Variants in SH3PXD2A observed in about 807,000 individuals in gnomAD.
The protein encoded by SH3PXD2A is SH3 and PX domains 2A, also known as SH3 and PX domain-containing protein 2A.
Under a neutral mutation model 115.2 loss-of-function variants are expected in SH3PXD2A, and 32 were observed. The ratio of observed to expected loss-of-function variants is 0.28; its 90% CI spans 0.21 to 0.37. The LOEUF is 0.37. SH3PXD2A is among the 10% of genes least tolerant of loss of function. SH3PXD2A has a pLI of 1.00. For synonymous variants in SH3PXD2A, 610 were observed against 629.1 expected (o/e 0.97, Z 0.45); for missense variants, 1,328 against 1,498.7 (o/e 0.89, Z 1.88).
At chr10:103,744,745 C>T (rs1589437937) in intron 3 of SH3PXD2A, among the ~76,000 whole-genome samples, 1 of 152,162 alleles carries the variant, frequency 6.6e-6, no homozygotes, top group Admixed American at 6.5e-5. Context: ...ATGCAGGTTC[C>T]GGAAAGACAC....
chr10:103,653,642 G>C (rs2037164129), intron 8 of SH3PXD2A, among the ~76,000 whole-genome samples: 1 of 152,196 alleles, frequency 6.6e-6, no homozygotes, highest in South Asian at 2.1e-4. Flanking sequence ...GCATGGTGGA[G>C]GGAGCACCCC....
At chr10:103,661,529 A>G (rs928945039) in intron 7 of SH3PXD2A, 23 of 449,462 alleles carry the variant, frequency 5.1e-5, no homozygotes, top group Non-Finnish European at 6.8e-5. Context: ...CGGCAGGGGC[A>G]TCGGGGAGGG....
At chr10:103,614,684 T>C (rs777196837) in intron 11 of SH3PXD2A, among the ~76,000 whole-genome samples, 1 of 152,114 alleles carries the variant, frequency 6.6e-6, no homozygotes, top group Non-Finnish European at 1.5e-5. Flanking sequence ...TGGGTTGCAA[T>C]GTCCCCATCT....
intron 1 of SH3PXD2A, 53 bp downstream of exon 1, chr10:103,855,142 C>T: frequency 7.3e-7 from 1 of 1,363,802 alleles, no homozygotes; most frequent in South Asian, 1.4e-5. Context: ...CCATCCGGGG[C>T]CCTCCCGGGA....
intron 1 of SH3PXD2A, among the ~76,000 whole-genome samples, chr10:103,813,919 C>T (rs777521389): frequency 1.3e-4 from 20 of 151,054 alleles, no homozygotes; most frequent in Non-Finnish European, 2.2e-4. Flanking sequence ...ATTTTAAGAG[C>T]TCCCCAGGTG....
At chr10:103,692,080 C>T (rs2037759383) in intron 6 of SH3PXD2A, among the ~76,000 whole-genome samples, 1 of 152,180 alleles carries the variant, frequency 6.6e-6, no homozygotes, top group Non-Finnish European at 1.5e-5. Flanking sequence ...CCAGATGTAC[C>T]CCAAGGTACA....
At chr10:103,709,442 C>T (rs1225010185) in intron 5 of SH3PXD2A, among the ~76,000 whole-genome samples, 1 of 152,202 alleles carries the variant, frequency 6.6e-6, no homozygotes, top group Non-Finnish European at 1.5e-5. Context: ...CCCACCTTGC[C>T]TCTCACTGGG....
intron 8 of SH3PXD2A, among the ~76,000 whole-genome samples, chr10:103,639,334 G>A (rs867543719): frequency 2.0e-5 from 3 of 152,132 alleles, no homozygotes; most frequent in African/African-American, 4.8e-5. Context: ...ATTCAAGGCC[G>A]GGCATGGTGG....
intron 5 of SH3PXD2A, among the ~76,000 whole-genome samples, chr10:103,703,111 G>A (rs1301459139): frequency 6.6e-6 from 1 of 152,214 alleles, no homozygotes; most frequent in Non-Finnish European, 1.5e-5. Context: ...AGGCCAAGGA[G>A]CCCACCCAAA....
At chr10:103,668,294 T>C (rs2037410655) in intron 7 of SH3PXD2A, among the ~76,000 whole-genome samples, 2 of 152,244 alleles carry the variant, frequency 1.3e-5, no homozygotes, top group Admixed American at 6.5e-5. Context: ...TGGCTTCCCC[T>C]TAGGGAGGTT....
At chr10:103,727,692 C>A (rs1353184672) in intron 4 of SH3PXD2A, among the ~76,000 whole-genome samples, 5 of 152,240 alleles carry the variant, frequency 3.3e-5, no homozygotes, top group Admixed American at 2.6e-4. Context: ...CGACAGAGAC[C>A]CACATTCCGG....
chr10:103,763,774 C>T (rs2038725103), intron 3 of SH3PXD2A, among the ~76,000 whole-genome samples: 3 of 152,236 alleles, frequency 2.0e-5, no homozygotes, highest in African/African-American at 7.2e-5. Flanking sequence ...CCATCATGCC[C>T]ATGCTCCACA....
chr10:103,652,765 G>A (rs1295564770), intron 8 of SH3PXD2A, among the ~76,000 whole-genome samples: 1 of 152,186 alleles, frequency 6.6e-6, no homozygotes, highest in Non-Finnish European at 1.5e-5. Context: ...GTGTCTGTGT[G>A]TTGGGGGCAG....
chr10:103,615,483 GGTGTGTGTGTGTGTGTGTGTGTGT>G (rs57711259), intron 11 of SH3PXD2A, among the ~76,000 whole-genome samples: 9 of 128,580 alleles, frequency 7.0e-5, no homozygotes, highest in African/African-American at 1.8e-4. Context: ...AGAGTGCGAG[GGTGTGTGTGTGTGTGTGTGTGTGT>G]GTGTGTGTGT....
At chr10:103,645,030 C>T (rs1014855522) in intron 8 of SH3PXD2A, among the ~76,000 whole-genome samples, 18 of 152,166 alleles carry the variant, frequency 1.2e-4, no homozygotes, top group Non-Finnish European at 1.2e-4. Context: ...ACCCAGGCCC[C>T]GTCCTTCAAA....
intron 8 of SH3PXD2A, among the ~76,000 whole-genome samples, chr10:103,660,372 C>T (rs960310954): frequency 2.0e-5 from 3 of 152,204 alleles, no homozygotes; most frequent in Non-Finnish European, 4.4e-5. Flanking sequence ...GCTGTCAGTA[C>T]GGCCCCTGTC....
At chr10:103,822,042 T>C (rs1471110593) in intron 1 of SH3PXD2A, among the ~76,000 whole-genome samples, 2 of 152,332 alleles carry the variant, frequency 1.3e-5, no homozygotes, top group Non-Finnish European at 2.9e-5. Context: ...TAGCTGGGAT[T>C]ACAGGCATGC....
chr10:103,676,782 C>T (rs1312549675), intron 6 of SH3PXD2A, among the ~76,000 whole-genome samples: 1 of 152,104 alleles, frequency 6.6e-6, no homozygotes, highest in Non-Finnish European at 1.5e-5. Flanking sequence ...CTCCCCACCC[C>T]AGGGCATTTG....
At chr10:103,772,069 C>G (rs1041348182) in intron 2 of SH3PXD2A, among the ~76,000 whole-genome samples, 3 of 152,194 alleles carry the variant, frequency 2.0e-5, no homozygotes, top group Admixed American at 2.0e-4. Flanking sequence ...CAGCTTTCAA[C>G]GAAAGCAAAT....
Sources: allele counts gnomAD v4.1 joint callset (sites outside exome capture counted in the v4.1 genomes callset), GRCh38; gene constraint gnomAD v4.1.1; transcripts MANE v1.5; gene names NCBI Gene and HGNC (gene_info 2026-07-23, HGNC 2026-07-21).